The following AEBP2 variants were observed in gnomAD, a reference collection of about 807,000 sequenced individuals.
AEBP2 encodes the protein zinc finger protein AEBP2.
AEBP2 carries 10 observed loss-of-function variants against 50.8 expected under a neutral mutation model. The observed-to-expected ratio is 0.20, with a 90% CI of 0.12 to 0.33. The LOEUF (loss-of-function observed/expected upper bound fraction) is 0.33. AEBP2 is among the 10% of genes least tolerant of loss of function. The probability of loss-of-function intolerance (pLI) is 1.00; values close to 1 mark genes in which losing one functional copy is unlikely to be tolerated. For missense variants in AEBP2, 570 were observed against 688.0 expected, an observed-to-expected ratio of 0.83 and a Z score of 1.92; for synonymous variants, 296 against 261.3, an observed-to-expected ratio of 1.13 and a Z score of -1.28.
intron 3 of AEBP2, among the ~76,000 whole-genome samples, chr12:19,486,728 C>T (rs1390756612): frequency 6.6e-6 from 1 of 152,132 alleles, no homozygotes; most frequent in Non-Finnish European, 1.5e-5. Flanking sequence ...CATTCCTTTA[C>T]ATGTCCTCTA....
chr12:19,439,848 A>AGGCCGAGGCGGT lies in AEBP2; in HGVS notation c.153_164dup (p.Glu52_Ala55dup). The AGGCCGAGGCGGT allele has an allele frequency of 6.7e-7, 1 of 1,489,880 alleles. No homozygotes were observed. Among genetic ancestry groups the AGGCCGAGGCGGT allele is most frequent in the Non-Finnish European group, 8.9e-7 (1 of 1,129,284 alleles). The allele number at this position is 1,489,880 out of a possible 1,614,324, so 92.3% of individuals were successfully genotyped here. A position where few individuals can be genotyped will look rare whatever the true frequency, so the allele number is the denominator to read the frequency against. ...GAGGAGGAGGAGGAAGAGGAGGCGGAGGCCGAGGCGGTGGCGGCGCTGCTG... is the reference window on the plus strand; with the variant it reads ...GAGGAGGAGGAGGAAGAGGAGGCGGAGGCCGAGGCGGTGGCCGAGGCGGTGGCGGCGCTGCTG... On this transcript the variant is annotated inframe_insertion, in exon 1 of 8. Coordinates refer to ENST00000266508, the MANE Select transcript of AEBP2 (RefSeq NM_153207.5).
intron 7 of AEBP2, 93 bp from the exon 8 acceptor site, chr12:19,517,994 G>T: frequency 8.8e-7 from 1 of 1,140,306 alleles, no homozygotes; most frequent in South Asian, 1.7e-5. Flanking sequence ...TCATCACATT[G>T]CCTGTATCTT....
At chr12:19,475,255 G>A (rs998491320) in intron 3 of AEBP2, among the ~76,000 whole-genome samples, 11 of 145,696 alleles carry the variant, frequency 7.5e-5, no homozygotes, top group African/African-American at 2.3e-4. Context: ...AGTCCCCAAA[G>A]TCTATTATAT....
chr12:19,514,379 G>A (rs980699121), intron 6 of AEBP2, among the ~76,000 whole-genome samples: 28 of 152,188 alleles, frequency 1.8e-4, no homozygotes, highest in African/African-American at 6.5e-4. Context: ...CACTCATTGA[G>A]TTAAAAGCTA....
At chr12:19,413,873 G>A (rs959039558) in intron 1 of AEBP2, among the ~76,000 whole-genome samples, 20 of 151,326 alleles carry the variant, frequency 1.3e-4, no homozygotes, top group Non-Finnish European at 2.8e-4. Context: ...ATTTTATCAA[G>A]GTTTTTTTTT....
chr12:19,428,088 A>G (rs1227508171), intron 1 of AEBP2, among the ~76,000 whole-genome samples: 1 of 151,932 alleles, frequency 6.6e-6, no homozygotes, highest in African/African-American at 2.4e-5. Flanking sequence ...AAATACAAAA[A>G]TTAGCTGGCA....
intron 1 of AEBP2, among the ~76,000 whole-genome samples, chr12:19,454,830 T>C (rs1312050260): frequency 6.6e-6 from 1 of 152,090 alleles, no homozygotes. Context: ...ACAAATGAAT[T>C]TGCTCACAGA....
At chr12:19,470,566 G>T (rs1200120831) in intron 2 of AEBP2, among the ~76,000 whole-genome samples, 1 of 152,146 alleles carries the variant, frequency 6.6e-6, no homozygotes, top group Non-Finnish European at 1.5e-5. Flanking sequence ...GAAGATTTTG[G>T]TTTTTCTTTG....
chr12:19,509,125 C>A, intron 5 of AEBP2: 1 of 523,880 alleles, frequency 1.9e-6, no homozygotes, highest in South Asian at 2.4e-5. Flanking sequence ...AAGAACATGT[C>A]AGCAGGGCCT....
At chr12:19,440,495 A>G (rs1373372894) in intron 1 of AEBP2, 125 bp downstream of exon 1, 34 of 1,390,812 alleles carry the variant, frequency 2.4e-5, no homozygotes, top group Admixed American at 5.8e-5. Context: ...CCTCCCCCAG[A>G]CTCTCAACTC....
chr12:19,439,886 AGCGGTGGGGGCGGCGGAGGCGGCG>A lies in AEBP2; in HGVS notation c.192_215del (p.Gly66_Gly73del), dbSNP rs1343122391. ...GGCGGCGCTGCTGCTGAACGGCGGC[AGCGGTGGGGGCGGCGGAGGCGGCG>A]GCGGAGGAGTGGGGGGCGGCGAGGC... On this transcript the variant is annotated inframe_deletion, in exon 1 of 8. Coordinates refer to ENST00000266508, the MANE Select transcript of AEBP2 (RefSeq NM_153207.5). 6.7e-7 allele frequency: 1 copy of A among 1,482,836 alleles called. No individual in the cohort carries two copies. Among genetic ancestry groups the A allele is most frequent in the Non-Finnish European group, 8.9e-7 (1 of 1,126,062 alleles). The allele number at this position is 1,482,836 out of a possible 1,614,324, so 91.9% of individuals were successfully genotyped here. A position where few individuals can be genotyped will look rare whatever the true frequency, so the allele number is the denominator to read the frequency against.
chr12:19,426,844 T>C (rs1255993534), intron 1 of AEBP2, among the ~76,000 whole-genome samples: 1 of 151,966 alleles, frequency 6.6e-6, no homozygotes, highest in African/African-American at 2.4e-5. Context: ...GAGGTTGCAG[T>C]GGGCCAAGAT....
intron 2 of AEBP2, among the ~76,000 whole-genome samples, chr12:19,469,730 A>G (rs1271025176): frequency 6.6e-6 from 1 of 152,162 alleles, no homozygotes; most frequent in East Asian, 1.9e-4. Context: ...TCTACGCACA[A>G]GTCACTGTGC....
At chr12:19,506,494 T>C (rs1949157494) in intron 5 of AEBP2, among the ~76,000 whole-genome samples, 1 of 152,198 alleles carries the variant, frequency 6.6e-6, no homozygotes. Context: ...AAAGTATACA[T>C]TTCTGTGAGT....
At chr12:19,421,797 T>C (rs1305758732) in intron 1 of AEBP2, among the ~76,000 whole-genome samples, 1 of 152,140 alleles carries the variant, frequency 6.6e-6, no homozygotes, top group Non-Finnish European at 1.5e-5. Context: ...GAGGAGGGTG[T>C]TCCAGGAACT....
At chr12:19,418,389 CTT>C (rs372043971) in intron 1 of AEBP2, among the ~76,000 whole-genome samples, 4 of 94,924 alleles carry the variant, frequency 4.2e-5, no homozygotes, top group Non-Finnish European at 8.0e-5. Context: ...CTATGCCTGG[CTT>C]TTTTTTTTTT....
At chr12:19,486,414 C>CG (rs1396210787) in intron 3 of AEBP2, among the ~76,000 whole-genome samples, 1 of 151,700 alleles carries the variant, frequency 6.6e-6, no homozygotes, top group Non-Finnish European at 1.5e-5. Context: ...TTTTTTGAGA[C>CG]GGGGTCTCAC....
chr12:19,439,987 C>T lies in AEBP2; in HGVS notation c.288C>T (p.Asp96=), dbSNP rs768159445. The change falls in exon 1 of 8, where the codon GAC becomes GAT. Residue 96 remains aspartate, a synonymous_variant. Coordinates refer to ENST00000266508, the MANE Select transcript of AEBP2 (RefSeq NM_153207.5). ...AGAGCGCCAGCCAGGCCGGGGAGGACGAAGACGAGGAGGAGGACGACGAGG... is the reference window on the plus strand; with the variant it reads ...AGAGCGCCAGCCAGGCCGGGGAGGATGAAGACGAGGAGGAGGACGACGAGG... ...SPESASQAGE[D]EDEEEDDEEE... is the part of the protein sequence containing the mutation. 1 of 1,520,054 alleles carries T rather than the reference C, an allele frequency of 6.6e-7. No homozygotes were observed. The highest frequency in any genetic ancestry group is 1.4e-5 in the African/African-American group (1 of 69,372). 94.2% of individuals were successfully genotyped at this position (1,520,054 alleles called of 1,614,324 possible).
At chr12:19,515,959 C>A (rs956726842) in intron 7 of AEBP2, among the ~76,000 whole-genome samples, 5 of 152,072 alleles carry the variant, frequency 3.3e-5, no homozygotes, top group African/African-American at 1.2e-4. Flanking sequence ...GTGGCACATG[C>A]CTGTGGTCCC....
Sources: allele counts gnomAD v4.1 joint callset (sites outside exome capture counted in the v4.1 genomes callset), GRCh38; gene constraint gnomAD v4.1.1; transcripts MANE v1.5; gene names NCBI Gene and HGNC (gene_info 2026-07-23, HGNC 2026-07-21).